Variants in CADM2 observed in about 807,000 individuals in gnomAD.
CADM2 encodes cell adhesion molecule 2, also known as immunoglobulin superfamily member 4D.
CADM2 carries 12 observed loss-of-function variants against 49.8 expected under a neutral mutation model. The ratio of observed to expected loss-of-function variants is 0.24; its 90% CI spans 0.15 to 0.39. The LOEUF (loss-of-function observed/expected upper bound fraction) is 0.39, where lower values mean the gene tolerates loss of function less well. Ranked by LOEUF, CADM2 falls within the 10% of genes least tolerant of loss-of-function variation. CADM2 has a pLI of 1.00. For missense variants in CADM2, 378 were observed against 492.3 expected, an observed-to-expected ratio of 0.77 and a Z score of 2.20; for synonymous variants, 214 against 175.4, an observed-to-expected ratio of 1.22 and a Z score of -1.74.
chr3:85,546,390 C>T (rs554425123), intron 1 of CADM2, among the ~76,000 whole-genome samples: 2 of 152,246 alleles, frequency 1.3e-5, no homozygotes, highest in African/African-American at 2.4e-5. Flanking sequence ...AACAGCTAAT[C>T]GTGCCATCTC....
At chr3:85,548,400 C>T (rs1477538580) in intron 1 of CADM2, among the ~76,000 whole-genome samples, 2 of 151,566 alleles carry the variant, frequency 1.3e-5, no homozygotes, top group Non-Finnish European at 2.9e-5. Flanking sequence ...GTGGCTTTGC[C>T]TAAGGATAAA....
rs1186661519 is a variant in CADM2 at position 86,065,750 on chromosome 3, A to G, written c.1096+20A>G. The G allele has an allele frequency of 6.2e-7, 1 of 1,611,776 alleles. No homozygotes were observed. The highest frequency in any genetic ancestry group is 2.2e-5 in the East Asian group (1 of 44,772). On this transcript the variant is annotated intron_variant, in intron 9 of 9. Transcript: ENST00000383699. ...ATAAAGGTACGTTATATTTAGCCAG[A>G]GTACACAATGTGGGCAAAATATTCT...
intron 1 of CADM2, among the ~76,000 whole-genome samples, chr3:85,600,752 T>A (rs907910421): frequency 1.3e-5 from 2 of 151,664 alleles, no homozygotes; most frequent in African/African-American, 4.8e-5. Context: ...TGTTTTAAAA[T>A]TTTCTGTACA....
intron 2 of CADM2, among the ~76,000 whole-genome samples, chr3:85,760,444 A>G (rs899429673): frequency 6.6e-6 from 1 of 152,074 alleles, no homozygotes; most frequent in South Asian, 2.1e-4. Flanking sequence ...TTGGACTTAC[A>G]TGTAAAGGAA....
chr3:85,681,271 G>T (rs2066032861), intron 1 of CADM2, among the ~76,000 whole-genome samples: 1 of 152,098 alleles, frequency 6.6e-6, no homozygotes, highest in South Asian at 2.1e-4. Flanking sequence ...ATAGAATACA[G>T]AGGCAGGTGT....
At chr3:85,079,573 G>T (rs1451401823) in intron 1 of CADM2, among the ~76,000 whole-genome samples, 1 of 151,808 alleles carries the variant, frequency 6.6e-6, no homozygotes, top group Non-Finnish European at 1.5e-5. Flanking sequence ...AGTGTTAGGA[G>T]TATTTAACCA....
intron 2 of CADM2, among the ~76,000 whole-genome samples, chr3:85,766,409 A>G (rs1044550377): frequency 1.3e-5 from 2 of 152,308 alleles, no homozygotes; most frequent in South Asian, 2.1e-4. Flanking sequence ...CCTAAATTCT[A>G]AAACTGTTCA....
At chr3:85,499,456 T>C (rs1480980115) in intron 1 of CADM2, among the ~76,000 whole-genome samples, 1 of 151,998 alleles carries the variant, frequency 6.6e-6, no homozygotes, top group Non-Finnish European at 1.5e-5. Context: ...TTGGCAATTA[T>C]CGGCCACTGT....
In CADM2 at chr3:85,193,044, A is replaced by C. The variant is rs147030207; in HGVS notation, c.61+233376A>C. Among the ~76,000 whole-genome samples the C allele has an allele frequency of 2.6e-3, 392 of 152,246 alleles. 4 individuals are homozygous for C. The highest frequency in any genetic ancestry group is 9.0e-3 in the African/African-American group (376 of 41,558). ...TGCTTTGGCTTTTTAAGCCTAAAGT[A>C]ATGAATGTCTGAAGTTCCAGAAATC... On this transcript the variant is annotated intron_variant, in intron 1 of 9. Transcript: ENST00000383699.
intron 1 of CADM2, among the ~76,000 whole-genome samples, chr3:84,989,659 T>G (rs868838131): frequency 1.3e-5 from 2 of 152,114 alleles, no homozygotes; most frequent in Non-Finnish European, 2.9e-5. Context: ...CTTAATAACC[T>G]GAGCTGCTTC....
chr3:85,536,411 A>G (rs936407954), intron 1 of CADM2, among the ~76,000 whole-genome samples: 1 of 151,872 alleles, frequency 6.6e-6, no homozygotes, highest in Admixed American at 6.6e-5. Flanking sequence ...AATGATGTTT[A>G]TGTTAAAGAT....
At chr3:85,326,532 C>G (rs2044755702) in intron 1 of CADM2, among the ~76,000 whole-genome samples, 1 of 151,560 alleles carries the variant, frequency 6.6e-6, no homozygotes, top group South Asian at 2.1e-4. Flanking sequence ...TGTATTTTTT[C>G]AAAATGTTCA....
chr3:85,556,061 A>C lies in CADM2; in HGVS notation c.62-170461A>C, dbSNP rs545633671. On this transcript the variant is annotated intron_variant, in intron 1 of 9. Coordinates refer to ENST00000383699, the MANE Select transcript of CADM2 (RefSeq NM_001167675.2). ...CCATGTAGTTGAAAATCTGTGAATA[A>C]CTTTTGACTCCTCCAAAACTTAACT... 3.3e-5 allele frequency among the ~76,000 whole-genome samples: 5 copies of C among 152,214 alleles called. No homozygotes were observed. In the South Asian group the frequency reaches 1.0e-3, roughly 32 times the overall value.
At chr3:85,274,130 T>C (rs1209455058) in intron 1 of CADM2, among the ~76,000 whole-genome samples, 2 of 151,332 alleles carry the variant, frequency 1.3e-5, no homozygotes. Context: ...GTGAGTTTGA[T>C]GAGAAATTTC....
intron 1 of CADM2, among the ~76,000 whole-genome samples, chr3:85,295,696 A>T (rs1198662606): frequency 6.6e-6 from 1 of 152,154 alleles, no homozygotes; most frequent in Non-Finnish European, 1.5e-5. Flanking sequence ...AAGAACAAAA[A>T]ACCAAACACT....
At chr3:84,995,995 A>G (rs1424688247) in intron 1 of CADM2, among the ~76,000 whole-genome samples, 1 of 152,170 alleles carries the variant, frequency 6.6e-6, no homozygotes, top group Non-Finnish European at 1.5e-5. Flanking sequence ...AGGAGAGACT[A>G]TAACTTATTT....
At position 85,787,337 on chromosome 3, in the gene CADM2, A is replaced by G. The variant is rs569942444; in HGVS notation, c.89-14710A>G. On this transcript the variant is annotated intron_variant, in intron 2 of 9. Transcript: ENST00000383699. ...AATCACGAAATTGTTACCTCTGTAA[A>G]TCAATTATCCCAGGATTTAATGGAT... 4.6e-5 allele frequency among the ~76,000 whole-genome samples: 7 copies of G among 152,240 alleles called. No individual in the cohort carries two copies. In the East Asian group the frequency reaches 1.3e-3, roughly 29 times the overall value.
chr3:86,013,240 A>G lies in CADM2; in HGVS notation c.970+51593A>G, dbSNP rs1263292812. 8 of 1,450,912 alleles carry G rather than the reference A, an allele frequency of 5.5e-6. No homozygotes were observed. The African/African-American group carries it at 9.9e-5, about 18-fold the overall frequency. 89.9% of individuals were successfully genotyped at this position (1,450,912 alleles called of 1,614,324 possible). ...GCAGGAACAAAAACATAAACCAACA[A>G]TAGCAATGCTCAGAACCCCAGTGAA... On this transcript the variant is annotated intron_variant, in intron 8 of 9. Transcript: ENST00000383699.
At chr3:86,047,423 A>G (rs1736811251) in intron 8 of CADM2, among the ~76,000 whole-genome samples, 1 of 152,160 alleles carries the variant, frequency 6.6e-6, no homozygotes, top group South Asian at 2.1e-4. Flanking sequence ...TGGTAATTAC[A>G]CTGGACCTTT....
Sources: gnomAD v4.1 joint callset for allele counts (sites outside exome capture counted in the v4.1 genomes callset) on GRCh38, gnomAD v4.1.1 for gene constraint, MANE v1.5 for transcripts, NCBI Gene and HGNC (gene_info 2026-07-23, HGNC 2026-07-21) for gene names.